The following ADIPOR2 variants were observed in gnomAD, a reference collection of about 807,000 sequenced individuals.
The protein encoded by ADIPOR2 is adiponectin receptor 2.
In ADIPOR2, 18 loss-of-function variants were observed where a neutral mutation model predicts 40.9. The ratio of observed to expected loss-of-function variants is 0.44; its 90% confidence interval spans 0.30 to 0.65. The LOEUF is 0.65. Ranked by LOEUF, ADIPOR2 falls within the 30% of genes least tolerant of loss-of-function variation. The pLI, the probability that ADIPOR2 is intolerant of heterozygous loss-of-function variation, is 0.09. For synonymous variants in ADIPOR2, 165 were observed against 166.4 expected, an observed-to-expected ratio of 0.99 and a Z score of 0.06; for missense variants, 283 against 479.2, an observed-to-expected ratio of 0.59 and a Z score of 3.82.
At chr12:1,734,299 C>T (rs1375764827) in intron 1 of ADIPOR2, among the ~76,000 whole-genome samples, 1 of 152,154 alleles carries the variant, frequency 6.6e-6, no homozygotes, top group Non-Finnish European at 1.5e-5. Flanking sequence ...TAATGATTGC[C>T]ATTCTAACTG....
In ADIPOR2 at chr12:1,762,708, ATATGT is replaced by A. The variant is rs548514042; in HGVS notation, c.171+8198_171+8202del. 1.6e-4 allele frequency among the ~76,000 whole-genome samples: 24 copies of A among 152,328 alleles called. 1 individual carries two copies. The South Asian group carries it at 4.1e-3, about 26-fold the overall frequency. On this transcript the variant is annotated intron_variant, in intron 2 of 7. Coordinates refer to ENST00000357103, the MANE Select transcript of ADIPOR2 (RefSeq NM_024551.3). ...GAAGTAATTTTTTGAGCTCATTTGA[ATATGT>A]TATTCGTTCCTAAAGTAGCCTTTTA...
At chr12:1,780,766 G>C in intron 5 of ADIPOR2, 123 bp from the exon 6 acceptor site, 1 of 1,360,664 alleles carries the variant, frequency 7.3e-7, no homozygotes, top group South Asian at 1.5e-5. Context: ...AAAAATTAAA[G>C]AGCAACCCAG....
At chr12:1,765,096 T>G (rs1862350082) in intron 2 of ADIPOR2, among the ~76,000 whole-genome samples, 1 of 152,168 alleles carries the variant, frequency 6.6e-6, no homozygotes, top group African/African-American at 2.4e-5. Flanking sequence ...CATTCTCCCT[T>G]TAAACATCAA....
chr12:1,739,067 G>A (rs912076519), intron 1 of ADIPOR2, among the ~76,000 whole-genome samples: 1 of 152,130 alleles, frequency 6.6e-6, no homozygotes, highest in African/African-American at 2.4e-5. Flanking sequence ...TTTTATTTTA[G>A]AGGGGCAGTA....
rs548235283 is a variant in ADIPOR2 at position 1,753,101 on chromosome 12, T to C, written c.-86-1157T>C. ...AATTCTTAGTCTATGTATCCACATA[T>C]ATGAAACTAAATCCACCTGTTACCT... On this transcript the variant is annotated intron_variant, in intron 1 of 7. Coordinates refer to ENST00000357103, the MANE Select transcript of ADIPOR2 (RefSeq NM_024551.3). Among the ~76,000 whole-genome samples the C allele has an allele frequency of 3.9e-5, 6 of 152,338 alleles. 1 individual carries two copies. In the East Asian group the frequency reaches 7.7e-4, roughly 20 times the overall value.
In ADIPOR2 at chr12:1,755,045, G is replaced by A. The variant is rs1201711486; in HGVS notation, c.171+531G>A. On this transcript the variant is annotated intron_variant, in intron 2 of 7. Transcript: ENST00000357103. ...TCTTAAATTAGCTTAGATATTATTT[G>A]ATTTTGATTTTATGGTTAATGTCTT... Among the ~76,000 whole-genome samples the A allele has an allele frequency of 3.5e-5, 4 of 115,734 alleles. 1 individual carries two copies. The highest frequency in any genetic ancestry group is 1.1e-4 in the African/African-American group (4 of 38,066). The allele number at this position is 115,734 out of a possible 152,430, so 75.9% of individuals were successfully genotyped here. A position where few individuals can be genotyped will look rare whatever the true frequency, so the allele number is the denominator to read the frequency against.
intron 1 of ADIPOR2, among the ~76,000 whole-genome samples, chr12:1,723,298 C>G (rs1237522273): frequency 2.6e-5 from 4 of 151,870 alleles, no homozygotes; most frequent in African/African-American, 9.7e-5. Context: ...TCTCATAATC[C>G]TCCCCAAAGG....
intron 1 of ADIPOR2, among the ~76,000 whole-genome samples, chr12:1,701,871 C>T (rs1387904506): frequency 1.3e-5 from 2 of 152,146 alleles, no homozygotes; most frequent in Non-Finnish European, 2.9e-5. Flanking sequence ...CCTGTAATAT[C>T]AGCACTTTGG....
At chr12:1,753,914 T>G (rs1253420165) in intron 1 of ADIPOR2, among the ~76,000 whole-genome samples, 1 of 152,212 alleles carries the variant, frequency 6.6e-6, no homozygotes, top group Non-Finnish European at 1.5e-5. Context: ...AAAGTAAGTA[T>G]TCTTCTCACT....
intron 1 of ADIPOR2, among the ~76,000 whole-genome samples, chr12:1,717,847 T>G (rs1342758998): frequency 3.3e-5 from 5 of 152,200 alleles, no homozygotes; most frequent in Non-Finnish European, 5.9e-5. Flanking sequence ...GTTCATTGTT[T>G]AGTTCATTGC....
At chr12:1,729,002 G>A (rs11061952) in intron 1 of ADIPOR2, among the ~76,000 whole-genome samples, 10,475 of 136,258 alleles carry the variant, frequency 0.077, 606 homozygotes, top group East Asian at 0.28. Context: ...TCATTTGTCC[G>A]AGTACAACAG....
intron 1 of ADIPOR2, among the ~76,000 whole-genome samples, chr12:1,744,891 A>G (rs548861236): frequency 6.6e-6 from 1 of 152,328 alleles, no homozygotes; most frequent in Admixed American, 6.5e-5. Context: ...AATGCTAGCC[A>G]TTTAGTCCAC....
At chr12:1,754,584 G>A in intron 2 of ADIPOR2, 70 bp downstream of exon 2, 2 of 1,436,248 alleles carry the variant, frequency 1.4e-6, no homozygotes, top group Non-Finnish European at 1.9e-6. Flanking sequence ...AGGATATGGG[G>A]AAAAAAAAGT....
chr12:1,774,550 GAC>G (rs1862548349), intron 3 of ADIPOR2, among the ~76,000 whole-genome samples: 1 of 152,218 alleles, frequency 6.6e-6, no homozygotes, highest in Admixed American at 6.5e-5. Flanking sequence ...AGTAAACAGA[GAC>G]AGTTTAATAT....
rs906370324 is a variant in ADIPOR2, at chr12:1,784,170, CAGG to C, written c.1032+100_1032+102del. 98 of 1,333,540 alleles carry C rather than the reference CAGG, an allele frequency of 7.3e-5. No individual in the cohort carries two copies. The African/African-American group carries it at 1.2e-3, about 16-fold the overall frequency. 82.6% of individuals were successfully genotyped at this position (1,333,540 alleles called of 1,614,324 possible). ...ATAGAAAAAGTTTTAGACACAAAGT[CAGG>C]AGAGTTGTATCCTGGTCCTAACTCC... On this transcript the variant is annotated intron_variant, in intron 7 of 7. Transcript: ENST00000357103.
chr12:1,706,314 C>T (rs2094662390), intron 1 of ADIPOR2, among the ~76,000 whole-genome samples: 1 of 152,162 alleles, frequency 6.6e-6, no homozygotes, highest in Non-Finnish European at 1.5e-5. Flanking sequence ...CACATGGTAA[C>T]ATGGTAACTT....
intron 1 of ADIPOR2, chr12:1,731,097 G>A (rs1350864995): frequency 6.6e-6 from 1 of 152,102 alleles, no homozygotes; most frequent in Non-Finnish European, 1.5e-5. Flanking sequence ...GGGTCTTAAT[G>A]TTGCCCAGGC....
chr12:1,691,838 G>A (rs1011660594), intron 1 of ADIPOR2, among the ~76,000 whole-genome samples: 3 of 152,084 alleles, frequency 2.0e-5, no homozygotes, highest in Non-Finnish European at 2.9e-5. Flanking sequence ...GAAACTGTTA[G>A]CTCTTTTTTC....
At chr12:1,736,534 C>G (rs1015600737) in intron 1 of ADIPOR2, among the ~76,000 whole-genome samples, 4 of 152,138 alleles carry the variant, frequency 2.6e-5, no homozygotes, top group Non-Finnish European at 4.4e-5. Context: ...AGTGGTCTAT[C>G]AATTTTGTTG....
Sources: gnomAD v4.1 joint callset for allele counts (sites outside exome capture counted in the v4.1 genomes callset) on GRCh38, gnomAD v4.1.1 for gene constraint, MANE v1.5 for transcripts, NCBI Gene and HGNC (gene_info 2026-07-23, HGNC 2026-07-21) for gene names.